Variants in ADAMTS6 observed in about 807,000 individuals in gnomAD.
The protein encoded by ADAMTS6 is ADAM metallopeptidase with thrombospondin type 1 motif 6.
In ADAMTS6, 23 loss-of-function variants were observed where a neutral mutation model predicts 144.3. The ratio of observed to expected loss-of-function variants is 0.16; its 90% confidence interval spans 0.11 to 0.23. The LOEUF is 0.23. Among genes scored for constraint, ADAMTS6 ranks in the 10% least tolerant of loss-of-function variants. The pLI, the probability that ADAMTS6 is intolerant of heterozygous loss-of-function variation, is 1.00. For synonymous variants in ADAMTS6, 444 were observed against 457.5 expected, an observed-to-expected ratio of 0.97 and a Z score of 0.38; for missense variants, 999 against 1,379.6, an observed-to-expected ratio of 0.72 and a Z score of 4.37.
At chr5:65,177,862 G>A (rs531108643) in intron 22 of ADAMTS6, among the ~76,000 whole-genome samples, 14 of 152,280 alleles carry the variant, frequency 9.2e-5, no homozygotes, top group East Asian at 7.7e-4. Context: ...TCGACCAGGC[G>A]TGGGCTGCAT....
chr5:65,426,353 C>T (rs1296237630), intron 7 of ADAMTS6, among the ~76,000 whole-genome samples: 1 of 152,002 alleles, frequency 6.6e-6, no homozygotes, highest in Non-Finnish European at 1.5e-5. Flanking sequence ...GCCATGGTGC[C>T]TGGACTAAGT....
intron 7 of ADAMTS6, among the ~76,000 whole-genome samples, chr5:65,382,299 A>G (rs773601332): frequency 6.6e-6 from 1 of 152,250 alleles, no homozygotes. Context: ...ATAAATGTTT[A>G]GATAAGGTAT....
chr5:65,446,345 C>T (rs761171415), intron 7 of ADAMTS6, among the ~76,000 whole-genome samples: 1 of 152,086 alleles, frequency 6.6e-6, no homozygotes, highest in African/African-American at 2.4e-5. Context: ...TTTTTGTATT[C>T]CCAACTGAAA....
At position 65,150,181 on chromosome 5, in the gene ADAMTS6, T is replaced by C. The variant is rs1183073553; in HGVS notation, c.*1655A>G. The C allele has an allele frequency of 3.3e-5, 5 of 152,606 alleles. No individual in the cohort carries two copies. The allele number at this position is 152,606 out of a possible 1,614,324, so 9.5% of individuals were successfully genotyped here. On this transcript the variant is annotated 3_prime_UTR_variant, in exon 25 of 25. Transcript: ENST00000381055. ...CACCATGATGGAATCAAGTCAAACA[T>C]GCTGTTTAACTGAAAGTATTAACCT...
chr5:65,252,865 A>G (rs943254163), intron 14 of ADAMTS6, among the ~76,000 whole-genome samples: 2 of 151,642 alleles, frequency 1.3e-5, no homozygotes, highest in African/African-American at 4.8e-5. Context: ...AATATTCTGG[A>G]TTTTCTATTT....
chr5:65,243,524 G>T (rs1259070165), intron 14 of ADAMTS6, among the ~76,000 whole-genome samples: 1 of 152,046 alleles, frequency 6.6e-6, no homozygotes, highest in East Asian at 1.9e-4. Context: ...ATTAAAATAT[G>T]ACATTCCAAT....
Position 65,161,124 on chromosome 5 carries a change from G to A in ADAMTS6, c.3245-9179C>T, listed in dbSNP as rs184263909. Among the ~76,000 whole-genome samples the A allele has an allele frequency of 1.5e-3, 222 of 151,234 alleles. 1 individual carries two copies. The highest frequency in any genetic ancestry group is 2.8e-3 in the Non-Finnish European group (187 of 67,728). ...TGTGATCATGGCTCACTGCAACCTC[G>A]ACCTCCCAAACTCAAGTGATCCTCC... On this transcript the variant is annotated intron_variant, in intron 24 of 24. Transcript: ENST00000381055.
intron 21 of ADAMTS6, among the ~76,000 whole-genome samples, chr5:65,196,264 C>G (rs181498055): frequency 6.6e-6 from 1 of 152,106 alleles, no homozygotes; most frequent in South Asian, 2.1e-4. Context: ...TGGCTGGGCA[C>G]GGTGGCTCAT....
At chr5:65,470,196 T>A (rs1261976195) in intron 3 of ADAMTS6, among the ~76,000 whole-genome samples, 1 of 152,156 alleles carries the variant, frequency 6.6e-6, no homozygotes, top group Non-Finnish European at 1.5e-5. Context: ...AACACTGGGA[T>A]TACAGACATG....
At chr5:65,238,596 T>G (rs1758888572) in intron 15 of ADAMTS6, among the ~76,000 whole-genome samples, 1 of 147,642 alleles carries the variant, frequency 6.8e-6, no homozygotes, top group Non-Finnish European at 1.5e-5. Context: ...CCAGACCCTG[T>G]CTCAAAAAAA....
At chr5:65,450,297 T>G (rs1474570890) in intron 7 of ADAMTS6, among the ~76,000 whole-genome samples, 1 of 152,146 alleles carries the variant, frequency 6.6e-6, no homozygotes, top group Non-Finnish European at 1.5e-5. Context: ...TAAAGTCAAT[T>G]AAAGTAAGTA....
intron 4 of ADAMTS6, among the ~76,000 whole-genome samples, chr5:65,459,426 C>G (rs1759482066): frequency 6.6e-6 from 1 of 152,138 alleles, no homozygotes; most frequent in Non-Finnish European, 1.5e-5. Context: ...AGTTTCATCT[C>G]TCACAACCAC....
chr5:65,422,128 A>G (rs1257753303), intron 7 of ADAMTS6, among the ~76,000 whole-genome samples: 1 of 152,220 alleles, frequency 6.6e-6, no homozygotes, highest in Non-Finnish European at 1.5e-5. Flanking sequence ...AAATCCCATT[A>G]AAAGGTGGGC....
chr5:65,441,046 T>A (rs1259754911), intron 7 of ADAMTS6, among the ~76,000 whole-genome samples: 1 of 152,128 alleles, frequency 6.6e-6, no homozygotes, highest in Non-Finnish European at 1.5e-5. Context: ...AAATTGTCAA[T>A]TGAAACCAAT....
chr5:65,448,717 T>C (rs1758482877), intron 7 of ADAMTS6, among the ~76,000 whole-genome samples: 1 of 152,058 alleles, frequency 6.6e-6, no homozygotes, highest in Non-Finnish European at 1.5e-5. Flanking sequence ...CCTCCCAAAG[T>C]GCTGGAATTA....
At chr5:65,327,035 TGGG>T (rs1192312080) in intron 9 of ADAMTS6, among the ~76,000 whole-genome samples, 1 of 152,082 alleles carries the variant, frequency 6.6e-6, no homozygotes, top group Non-Finnish European at 1.5e-5. Context: ...ATTTGGGTAA[TGGG>T]GGCAGATCCC....
At chr5:65,267,206 A>G (rs1343356175) in intron 12 of ADAMTS6, among the ~76,000 whole-genome samples, 2 of 152,086 alleles carry the variant, frequency 1.3e-5, no homozygotes, top group South Asian at 2.1e-4. Flanking sequence ...GTTTTAAACT[A>G]GAAAAGTTAA....
chr5:65,262,744 CAT>C (rs1234466061), intron 13 of ADAMTS6, 71 bp downstream of exon 13: 12 of 1,422,210 alleles, frequency 8.4e-6, no homozygotes, highest in Non-Finnish European at 1.1e-5. Flanking sequence ...TTACAGATAA[CAT>C]GTGAAACCAC....
chr5:65,263,024 A>G, intron 12 of ADAMTS6, 62 bp from the exon 13 acceptor site: 1 of 1,605,802 alleles, frequency 6.2e-7, no homozygotes, highest in Non-Finnish European at 8.5e-7. Flanking sequence ...TCAGGATAGA[A>G]ATACATAAGG....
Sources: gnomAD v4.1 joint callset for allele counts (sites outside exome capture counted in the v4.1 genomes callset) on GRCh38, gnomAD v4.1.1 for gene constraint, MANE v1.5 for transcripts, NCBI Gene and HGNC (gene_info 2026-07-23, HGNC 2026-07-21) for gene names.